The following KCNJ6 variants were observed in gnomAD, a reference collection of about 807,000 sequenced individuals.
The protein encoded by KCNJ6 is G protein-activated inward rectifier potassium channel 2.
Under a neutral mutation model 34.2 loss-of-function variants are expected in KCNJ6, and 9 were observed. The observed-to-expected ratio is 0.26, with a 90% CI of 0.16 to 0.46. KCNJ6 has a LOEUF of 0.46. Ranked by LOEUF, KCNJ6 falls within the 20% of genes least tolerant of loss-of-function variation. The pLI is 1.00. For missense variants in KCNJ6, 236 were observed against 531.3 expected, an observed-to-expected ratio of 0.44 and a Z score of 5.46; for synonymous variants, 196 against 207.1, an observed-to-expected ratio of 0.95 and a Z score of 0.46.
intron 3 of KCNJ6, among the ~76,000 whole-genome samples, chr21:37,709,519 A>AAAAAGAAAAGT (rs2054739497): frequency 1.3e-3 from 2 of 1,500 alleles, no homozygotes; most frequent in Admixed American, 0.036. Context: ...TGTCTCAAAA[A>AAAAAGAAAAGT]AAAGAAAAGA....
At chr21:37,822,306 C>A (rs1294014860) in intron 2 of KCNJ6, among the ~76,000 whole-genome samples, 2 of 152,170 alleles carry the variant, frequency 1.3e-5, no homozygotes, top group East Asian at 3.9e-4. Context: ...TCTGAACATG[C>A]CCAATCTCCT....
chr21:37,700,746 T>C (rs946568809), intron 3 of KCNJ6, among the ~76,000 whole-genome samples: 1 of 152,136 alleles, frequency 6.6e-6, no homozygotes, highest in Non-Finnish European at 1.5e-5. Context: ...CTCATATGGT[T>C]GTGCAGGATG....
In KCNJ6 at chr21:37,675,499, C is replaced by T. The variant is rs1345602820; in HGVS notation, c.946+38712G>A. 6.6e-6 allele frequency among the ~76,000 whole-genome samples: 1 copy of T among 152,246 alleles called. No individual in the cohort carries two copies. The highest frequency in any genetic ancestry group is 1.9e-4 in the East Asian group (1 of 5,192). On this transcript the variant is annotated intron_variant, in intron 3 of 3. Coordinates refer to ENST00000609713, the MANE Select transcript of KCNJ6 (RefSeq NM_002240.5). The surrounding 1 kb of genome is among the most constrained non-coding windows in gnomAD (Gnocchi z 4.2). The stretch of plus-strand genomic sequence containing the variant: ...TGAGCACCACTGTCATCGCGGGGAC[C>T]CTCGGGCTGCGCCTCTGCCCCTCGG...
rs541122213 is a variant in KCNJ6, at chr21:37,701,438, T to C, written c.946+12773A>G. Reference sequence around the variant, plus strand: ...CAATTTTAAGTGACTCAAGACTTCTTTTCTATGTGCTTAAGAGAGCAGTCT... The same window carrying C: ...CAATTTTAAGTGACTCAAGACTTCTCTTCTATGTGCTTAAGAGAGCAGTCT... On this transcript the variant is annotated intron_variant, in intron 3 of 3. Transcript: ENST00000609713. Among the ~76,000 whole-genome samples, 45 of 152,216 alleles carry C rather than the reference T, an allele frequency of 3.0e-4. 1 individual carries two copies. In the South Asian group the frequency reaches 8.9e-3, roughly 30 times the overall value.
At position 37,714,983 on chromosome 21, in the gene KCNJ6, C is replaced by T; in HGVS notation, c.174G>A (p.Arg58=). ...GATGAACATTGCACTTTCCGTCTTT[C>T]CTCACGTACCTCTGGATTTTCCTTT... ...RTKRKIQRYV[R]KDGKCNVHHG... is the part of the protein sequence containing the mutation. The change falls in exon 3 of 4, where the codon AGG becomes AGA. Residue 58 remains arginine, a synonymous_variant. Transcript: ENST00000609713. This position sits in a 1 kb window ranked among gnomAD's most constrained non-coding sequence, Gnocchi z 5.9. The T allele has an allele frequency of 6.2e-7, 1 of 1,614,192 alleles. No individual in the cohort carries two copies. Among genetic ancestry groups the T allele is most frequent in the Non-Finnish European group, 8.5e-7 (1 of 1,180,046 alleles).
At chr21:37,899,822 G>A (rs981862782) in intron 1 of KCNJ6, among the ~76,000 whole-genome samples, 1 of 152,156 alleles carries the variant, frequency 6.6e-6, no homozygotes, top group Admixed American at 6.5e-5. Flanking sequence ...GAACCAACTG[G>A]CTTAATGACT....
chr21:37,894,340 G>A (rs964114422), intron 1 of KCNJ6, among the ~76,000 whole-genome samples: 15 of 152,160 alleles, frequency 9.9e-5, no homozygotes, highest in African/African-American at 3.4e-4. Flanking sequence ...TGTGCACATT[G>A]AGGTTTGAGA....
At chr21:37,821,815 T>C (rs572540506) in intron 2 of KCNJ6, among the ~76,000 whole-genome samples, 1 of 152,364 alleles carries the variant, frequency 6.6e-6, no homozygotes, top group South Asian at 2.1e-4. Flanking sequence ...CTTTATTTTA[T>C]CCAGAAAGAA....
Position 37,621,030 on chromosome 21 carries a change from A to G in KCNJ6, c.*4129T>C, listed in dbSNP as rs1346814931. 1 of 152,230 alleles carries G rather than the reference A, an allele frequency of 6.6e-6. No individual in the cohort carries two copies. Among genetic ancestry groups the G allele is most frequent in the African/African-American group, 2.4e-5 (1 of 41,462 alleles). The allele number at this position is 152,230 out of a possible 1,614,324, so 9.4% of individuals were successfully genotyped here. On this transcript the variant is annotated 3_prime_UTR_variant, in exon 4 of 4. Transcript: ENST00000609713. ...AAACAAGATAATGTTATTTTAGTGTATTGTAAAGTAATATCAATGAATCAT... is the reference window on the plus strand; with the variant it reads ...AAACAAGATAATGTTATTTTAGTGTGTTGTAAAGTAATATCAATGAATCAT...
rs1326264301 is a variant in KCNJ6, at chr21:37,614,394, G to A, written c.*10765C>T. Reference sequence around the variant, plus strand: ...TGTGTGTGTGTGTGTATATCTGTGTGTGCGTATGCATGTGTCTGTGTCTGT... The same window carrying A: ...TGTGTGTGTGTGTGTATATCTGTGTATGCGTATGCATGTGTCTGTGTCTGT... On this transcript the variant is annotated 3_prime_UTR_variant, in exon 4 of 4. Transcript: ENST00000609713. 1 of 149,958 alleles carries A rather than the reference G, an allele frequency of 6.7e-6. No homozygotes were observed. The highest frequency in any genetic ancestry group is 1.5e-5 in the Non-Finnish European group (1 of 67,270). 9.3% of individuals were successfully genotyped at this position (149,958 alleles called of 1,614,324 possible).
At chr21:37,783,494 A>G (rs1455276108) in intron 2 of KCNJ6, among the ~76,000 whole-genome samples, 1 of 152,038 alleles carries the variant, frequency 6.6e-6, no homozygotes, top group Non-Finnish European at 1.5e-5. Context: ...TTTGCCTCCC[A>G]CCATGATTCT....
chr21:37,637,662 G>A (rs2123373882), intron 3 of KCNJ6, among the ~76,000 whole-genome samples: 1 of 152,314 alleles, frequency 6.6e-6, no homozygotes, highest in East Asian at 1.9e-4. Flanking sequence ...ACATAGTGCT[G>A]TGGATTGAAT....
intron 1 of KCNJ6, among the ~76,000 whole-genome samples, chr21:37,885,241 T>C (rs1198091408): frequency 6.6e-6 from 1 of 151,850 alleles, no homozygotes; most frequent in Non-Finnish European, 1.5e-5. Context: ...TTGGGGGAGG[T>C]ACAGTGGTGG....
intron 2 of KCNJ6, among the ~76,000 whole-genome samples, chr21:37,740,261 C>T (rs907008115): frequency 2.0e-5 from 3 of 152,170 alleles, no homozygotes; most frequent in Admixed American, 2.0e-4. Flanking sequence ...ATTGGACACG[C>T]CTTATTATAC....
chr21:37,664,705 T>C (rs1037768520), intron 3 of KCNJ6, among the ~76,000 whole-genome samples: 21 of 151,952 alleles, frequency 1.4e-4, no homozygotes, highest in Non-Finnish European at 1.5e-5. Context: ...AAGAAAATGC[T>C]AGATGGTGTT....
At chr21:37,692,940 A>C (rs1413300206) in intron 3 of KCNJ6, among the ~76,000 whole-genome samples, 1 of 152,136 alleles carries the variant, frequency 6.6e-6, no homozygotes, top group Non-Finnish European at 1.5e-5. Flanking sequence ...TTTTGACGCA[A>C]ATCTTTATTT....
intron 1 of KCNJ6, among the ~76,000 whole-genome samples, chr21:37,845,644 G>A (rs780887071): frequency 2.0e-5 from 3 of 152,186 alleles, no homozygotes; most frequent in African/African-American, 4.8e-5. Flanking sequence ...TCATTATTCC[G>A]TTTGGCTACT....
intron 2 of KCNJ6, among the ~76,000 whole-genome samples, chr21:37,752,922 A>C (rs1002611829): frequency 2.6e-4 from 39 of 152,236 alleles, no homozygotes; most frequent in African/African-American, 9.2e-4. Flanking sequence ...CTGGAGTTAG[A>C]AAAGCCAGAA....
At chr21:37,783,839 G>A (rs551213910) in intron 2 of KCNJ6, among the ~76,000 whole-genome samples, 1 of 152,284 alleles carries the variant, frequency 6.6e-6, no homozygotes, top group East Asian at 1.9e-4. Flanking sequence ...ACTTTAATAA[G>A]AGACACCAGA....
Sources: gnomAD v4.1 joint callset for allele counts (sites outside exome capture counted in the v4.1 genomes callset) on GRCh38, gnomAD v4.1.1 for gene constraint, Gnocchi (gnomAD v3.1) non-coding constraint, MANE v1.5 for transcripts, NCBI Gene and HGNC (gene_info 2026-07-23, HGNC 2026-07-21) for gene names.